Variants in WDR46 observed in about 807,000 individuals in gnomAD.
The protein encoded by WDR46 is WD repeat-containing protein 46.
A neutral mutation model predicts 74.7 loss-of-function variants in WDR46; 58 were observed. That is an observed-to-expected ratio of 0.78 (90% confidence interval 0.63 to 0.97). The LOEUF is 0.97. Among genes scored for constraint, WDR46 ranks in the 50% least tolerant of loss-of-function variants. The pLI is 0.00. For synonymous variants in WDR46, 278 were observed against 297.3 expected (o/e 0.93, Z 0.67); for missense variants, 702 against 790.1 (o/e 0.89, Z 1.34).
intron 6 of WDR46, 65 bp from the exon 7 acceptor site, chr6:33,287,783 T>A: frequency 2.5e-6 from 4 of 1,583,780 alleles, no homozygotes; most frequent in Non-Finnish European, 3.5e-6. Context: ...CAACTTGAGG[T>A]CTGCCCCACG....
chr6:33,280,339 A>AGGAGGAACCTCACCCTCTCCAGGAC (rs1766042880), intron 12 of WDR46, 89 bp downstream of exon 12: 1 of 1,388,002 alleles, frequency 7.2e-7, no homozygotes, highest in Non-Finnish European at 9.9e-7. Context: ...TTCTCCAGGA[A>AGGAGGAACCTCACCCTCTCCAGGAC]GGAGGAACCT....
Position 33,279,389 on chromosome 6 carries a change from C to T in WDR46, c.1735-15G>A, listed in dbSNP as rs376585926. The T allele has an allele frequency of 2.0e-5, 32 of 1,613,026 alleles. No individual in the cohort carries two copies. The highest frequency in any genetic ancestry group is 1.6e-4 in the Middle Eastern group (1 of 6,084). ...CGGACCTTGTCCTGGGGACCGGAGA[C>T]GGGGAGGACACAGGCACAGAGTGAG... On this transcript the variant is annotated splice_polypyrimidine_tract_variant and intron_variant, in intron 14 of 14. Coordinates refer to ENST00000374617, the MANE Select transcript of WDR46 (RefSeq NM_005452.6).
intron 10 of WDR46, among the ~76,000 whole-genome samples, chr6:33,283,598 G>T (rs374202788): frequency 6.6e-6 from 1 of 152,138 alleles, no homozygotes; most frequent in Non-Finnish European, 1.5e-5. Flanking sequence ...TAACTGTGTA[G>T]AAACTAATGG....
At chr6:33,287,856 G>T in intron 6 of WDR46, 109 bp downstream of exon 6, 1 of 1,516,084 alleles carries the variant, frequency 6.6e-7, no homozygotes, top group Non-Finnish European at 9.1e-7. Context: ...TCACACCCAA[G>T]CAAATCGAAG....
In WDR46 at chr6:33,279,268, A is replaced by G. The variant is rs55798100; in HGVS notation, c.*8T>C. 9.3e-3 allele frequency: 15,023 copies of G among 1,614,114 alleles called. 93 individuals carry two copies. The highest frequency in any genetic ancestry group is 0.012 in the Non-Finnish European group (13,949 of 1,180,014). On this transcript the variant is annotated 3_prime_UTR_variant, in exon 15 of 15. Transcript: ENST00000374617. The stretch of plus-strand genomic sequence containing the variant: ...AGAGACTGTTCCCAGGCAACCCTGG[A>G]GTCTGGCTCAGCGCACAAATCTGTC...
intron 10 of WDR46, among the ~76,000 whole-genome samples, chr6:33,282,018 C>T (rs987500277): frequency 1.3e-5 from 2 of 152,186 alleles, no homozygotes; most frequent in Non-Finnish European, 2.9e-5. Context: ...GCCAGGGTTT[C>T]GCCATGTTGA....
intron 5 of WDR46, 33 bp downstream of exon 5, chr6:33,288,115 A>C (rs750511517): frequency 1.2e-6 from 2 of 1,614,044 alleles, no homozygotes; most frequent in Non-Finnish European, 1.7e-6. Context: ...ACCACCAATC[A>C]ATCCCTTGGC....
At chr6:33,284,894 C>T (rs143175276) in intron 10 of WDR46, 13 of 153,890 alleles carry the variant, frequency 8.4e-5, no homozygotes, top group Admixed American at 2.0e-4. Context: ...CGAGTGGTCA[C>T]GACAGCGACT....
Position 33,280,707 on chromosome 6 carries a change from G to A in WDR46, c.1396C>T (p.His466Tyr). 2 of 1,591,758 alleles carry A rather than the reference G, an allele frequency of 1.3e-6. No homozygotes were observed. Among genetic ancestry groups the A allele is most frequent in the Non-Finnish European group, 1.7e-6 (2 of 1,166,398 alleles). The change falls in exon 11 of 15, where the codon CAC becomes TAC. Residue 466 changes from histidine (H) to tyrosine (Y), a missense_variant. His to Tyr is a moderately conservative substitution (Grantham distance 83). Transcript: ENST00000374617. ...AGCATGCTGGTGATGCCCCCAGTGTGCCCCACCCCCAGCACATCTTCAAAG... is the reference window on the plus strand; with the variant it reads ...AGCATGCTGGTGATGCCCCCAGTGTACCCCACCCCCAGCACATCTTCAAAG... ...CPFEDVLGVGHTGGITSMLVP... is the reference protein window; with the variant it reads ...CPFEDVLGVGYTGGITSMLVP...
At position 33,287,606 on chromosome 6, in the gene WDR46, C is replaced by A; in HGVS notation, c.728+8G>T. The A allele has an allele frequency of 6.2e-7, 1 of 1,613,890 alleles. No individual in the cohort carries two copies. On this transcript the variant is annotated splice_region_variant and intron_variant, in intron 7 of 14. Coordinates refer to ENST00000374617, the MANE Select transcript of WDR46 (RefSeq NM_005452.6). ...CCCCAACTGACCGCTGACAGTGAGG[C>A]CACTGACCGGATGTCCCGCACCGCC...
In WDR46 at chr6:33,280,947, A is replaced by T; in HGVS notation, c.1156T>A (p.Phe386Ile). 6.2e-7 allele frequency: 1 copy of T among 1,613,314 alleles called. No homozygotes were observed. Among genetic ancestry groups the T allele is most frequent in the South Asian group, 1.1e-5 (1 of 91,006 alleles). ...TSGLDHQLKI[F>I]DLRGTYQPLS... is the part of the protein sequence containing the mutation. ...GGCTGGTACGTCCCTCGCAAGTCAA[A>T]GATCTTCAGCTGGTGGTCTAGGCCA... The change falls in exon 11 of 15, where the codon TTT (phenylalanine) becomes ATT (isoleucine). Residue 386 changes from phenylalanine (F) to isoleucine (I), a missense_variant. Physicochemically the swap from Phe to Ile is conservative, Grantham distance 21 (BLOSUM62 0). Coordinates refer to ENST00000374617, the MANE Select transcript of WDR46 (RefSeq NM_005452.6).
At position 33,289,063 on chromosome 6, in the gene WDR46, C is replaced by G. The variant is rs535655458; in HGVS notation, c.69+39G>C. 7.4e-6 allele frequency: 12 copies of G among 1,610,998 alleles called. 1 individual carries two copies. The South Asian group carries it at 1.2e-4, about 16-fold the overall frequency. On this transcript the variant is annotated intron_variant, in intron 1 of 14. Coordinates refer to ENST00000374617, the MANE Select transcript of WDR46 (RefSeq NM_005452.6). ...ACTCACGCCCCGCCCCCCGACCCCA[C>G]AGCTAAAAACTTCGTTTCCCACCCA...
intron 1 of WDR46, 42 bp downstream of exon 1, chr6:33,289,060 C>G (rs1363211425): frequency 3.1e-6 from 5 of 1,611,522 alleles, no homozygotes; most frequent in Non-Finnish European, 4.2e-6. Flanking sequence ...CCCCCCGACC[C>G]CACAGCTAAA....
In WDR46 at chr6:33,285,824, A is replaced by G. The variant is rs542011301; in HGVS notation, c.1115+971T>C. Among the ~76,000 whole-genome samples, 3 of 141,892 alleles carry G rather than the reference A, an allele frequency of 2.1e-5. 1 individual carries two copies. In the South Asian group the frequency reaches 7.7e-4, roughly 37 times the overall value. The allele number at this position is 141,892 out of a possible 152,430, so 93.1% of individuals were successfully genotyped here. A position where few individuals can be genotyped will look rare whatever the true frequency, so the allele number is the denominator to read the frequency against. Reference sequence around the variant, plus strand: ...CAGGCGTGAGCCACCGCACCTGGCCATATTACGTTTAATTTTATAACCTAA... The same window carrying G: ...CAGGCGTGAGCCACCGCACCTGGCCGTATTACGTTTAATTTTATAACCTAA... On this transcript the variant is annotated intron_variant, in intron 10 of 14. Transcript: ENST00000374617.
chr6:33,282,371 C>A (rs59473078), intron 10 of WDR46, among the ~76,000 whole-genome samples: 1 of 152,048 alleles, frequency 6.6e-6, no homozygotes, highest in Non-Finnish European at 1.5e-5. Flanking sequence ...CAGGAATTAC[C>A]GAGCGCTCGT....
At chr6:33,280,624 C>T in intron 11 of WDR46, 50 bp downstream of exon 11, 1 of 1,597,202 alleles carries the variant, frequency 6.3e-7, no homozygotes, top group Non-Finnish European at 8.6e-7. Context: ...CTGGCCCAAA[C>T]TTCCACCCAG....
In WDR46 at chr6:33,280,502, C is replaced by T. The variant is rs571165876; in HGVS notation, c.1450G>A (p.Asp484Asn). 7 of 1,601,602 alleles carry T rather than the reference C, an allele frequency of 4.4e-6. No individual in the cohort carries two copies. The highest frequency in any genetic ancestry group is 3.4e-5 in the South Asian group (3 of 89,152). ...LVPGAGEPNF[D>N]GLESNPYRSR... is the part of the protein sequence containing the mutation. ...CTGTATGGATTACTCTCCAGGCCAT[C>T]GAAGTTGGGCTCACCGGCCCCTGAA... Residue 484 changes from aspartate to asparagine, a missense_variant, in exon 12 of 15, where the codon GAT (aspartate) becomes AAT (asparagine). Physicochemically the swap from Asp to Asn is conservative, Grantham distance 23. Coordinates refer to ENST00000374617, the MANE Select transcript of WDR46 (RefSeq NM_005452.6).
At position 33,280,801 on chromosome 6, in the gene WDR46, T is replaced by C. The variant is rs748429820; in HGVS notation, c.1302A>G (p.Pro434=). ...TGAGGTAGGGCTGTTCAAGGGAGGG[T>C]GGGCTGGCCTTGCCCTGCCCTGCCC... ...NIWAGQGKAS[P]PSLEQPYLTH... Residue 434 remains proline (P), a synonymous_variant, in exon 11 of 15, where the codon CCA becomes CCG. Coordinates refer to ENST00000374617, the MANE Select transcript of WDR46 (RefSeq NM_005452.6). 15 of 1,613,748 alleles carry C rather than the reference T, an allele frequency of 9.3e-6. No individual in the cohort carries two copies. Among genetic ancestry groups the C allele is most frequent in the Middle Eastern group, 1.6e-4 (1 of 6,062 alleles).
chr6:33,289,086 C>T lies in WDR46; in HGVS notation c.69+16G>A, dbSNP rs1195722198. 2 of 1,612,140 alleles carry T rather than the reference C, an allele frequency of 1.2e-6. No homozygotes were observed. Among genetic ancestry groups the T allele is most frequent in the Non-Finnish European group, 1.7e-6 (2 of 1,178,772 alleles). The stretch of plus-strand genomic sequence containing the variant: ...CACAGCTAAAAACTTCGTTTCCCAC[C>T]CAGGGAGGCCTCTACCTTTCTCTTG... On this transcript the variant is annotated intron_variant, in intron 1 of 14. Coordinates refer to ENST00000374617, the MANE Select transcript of WDR46 (RefSeq NM_005452.6).
Sources: gnomAD v4.1 joint callset for allele counts (sites outside exome capture counted in the v4.1 genomes callset) on GRCh38, gnomAD v4.1.1 for gene constraint, MANE v1.5 for transcripts, NCBI Gene and HGNC (gene_info 2026-07-23, HGNC 2026-07-21) for gene names.